The following NLRC5 variants were observed in gnomAD, a reference collection of about 807,000 sequenced individuals.
NLRC5 encodes the protein protein NLRC5.
NLRC5 carries 114 observed loss-of-function variants against 206.9 expected under a neutral mutation model. That is an observed-to-expected ratio of 0.55 (90% CI 0.47 to 0.64). The LOEUF (loss-of-function observed/expected upper bound fraction) is 0.64, where lower values mean the gene tolerates loss of function less well. Ranked by LOEUF, NLRC5 falls within the 30% of genes least tolerant of loss-of-function variation. The pLI, the probability that NLRC5 is intolerant of heterozygous loss-of-function variation, is 0.00. For missense variants in NLRC5, 2,008 were observed against 2,305.5 expected (o/e 0.87, Z 2.64); for synonymous variants, 952 against 962.8 (o/e 0.99, Z 0.21).
chr16:57,076,359 A>G (rs2068396416), intron 39 of NLRC5, among the ~76,000 whole-genome samples: 1 of 152,222 alleles, frequency 6.6e-6, no homozygotes, highest in Non-Finnish European at 1.5e-5. Context: ...TAAAGACAAT[A>G]CCCTGGGTTT....
chr16:57,013,121 G>A (rs1299275444), intron 1 of NLRC5: 1 of 318,844 alleles, frequency 3.1e-6, no homozygotes, highest in African/African-American at 2.2e-5. Context: ...ATAGTGAATA[G>A]TAATTTATTC....
At chr16:57,038,998 G>A (rs1416016424) in intron 15 of NLRC5, among the ~76,000 whole-genome samples, 1 of 150,212 alleles carries the variant, frequency 6.7e-6, no homozygotes, top group Non-Finnish European at 1.5e-5. Context: ...CATCAATAAT[G>A]ATCAAGTATT....
At chr16:57,064,251 A>G (rs2066854294) in intron 32 of NLRC5, among the ~76,000 whole-genome samples, 1 of 152,112 alleles carries the variant, frequency 6.6e-6, no homozygotes, top group African/African-American at 2.4e-5. Context: ...TGAAATGTGC[A>G]GAAAATCCAG....
chr16:57,011,368 G>C (rs4783965), intron 1 of NLRC5, among the ~76,000 whole-genome samples: 3 of 149,572 alleles, frequency 2.0e-5, no homozygotes, highest in African/African-American at 7.4e-5. Flanking sequence ...AGCTGAGATC[G>C]TGCCACTACA....
chr16:57,026,262 T>G lies in NLRC5; in HGVS notation c.1319T>G (p.Met440Arg), dbSNP rs371278281. ...ALLPNMTQLY[M>R]QMVLALSPPG... ...CTGCCCAACATGACTCAGCTCTATA[T>G]GCAGATGGTGCTCGCCCTCAGCCCC... Residue 440 changes from methionine (M) to arginine (R), a missense_variant, in exon 6 of 49, where the codon ATG becomes AGG. By Grantham distance (91) the Met-to-Arg change is moderately conservative (BLOSUM62 -1). Transcript: ENST00000688547. 2.5e-6 allele frequency: 4 copies of G among 1,614,030 alleles called. No individual in the cohort carries two copies. The highest frequency in any genetic ancestry group is 3.4e-6 in the Non-Finnish European group (4 of 1,180,044).
At chr16:57,057,622 C>T (rs1471519468) in intron 27 of NLRC5, among the ~76,000 whole-genome samples, 6 of 152,122 alleles carry the variant, frequency 3.9e-5, no homozygotes, top group Admixed American at 3.9e-4. Context: ...CGGCCAAGGG[C>T]GTGGTGAAGG....
chr16:57,009,011 G>C (rs955074213), intron 1 of NLRC5, among the ~76,000 whole-genome samples: 1 of 152,180 alleles, frequency 6.6e-6, no homozygotes, highest in African/African-American at 2.4e-5. Flanking sequence ...TAAGAAAATA[G>C]GCCGTGCACG....
intron 36 of NLRC5, among the ~76,000 whole-genome samples, chr16:57,069,406 G>A (rs1427269717): frequency 1.3e-5 from 2 of 152,064 alleles, no homozygotes; most frequent in Non-Finnish European, 2.9e-5. Context: ...ACACCAGCCT[G>A]AGCAACATAG....
chr16:57,015,537 A>G (rs1441457233), intron 1 of NLRC5, among the ~76,000 whole-genome samples: 2 of 152,088 alleles, frequency 1.3e-5, no homozygotes, highest in Non-Finnish European at 2.9e-5. Flanking sequence ...GGATCACATG[A>G]ACCTAGGAGT....
At chr16:57,006,051 G>A (rs1227860219) in intron 1 of NLRC5, among the ~76,000 whole-genome samples, 1 of 151,782 alleles carries the variant, frequency 6.6e-6, no homozygotes, top group Non-Finnish European at 1.5e-5. Flanking sequence ...AGGCTGGAGT[G>A]CAGGGATGCA....
chr16:57,001,313 C>T (rs2058220698), intron 1 of NLRC5, among the ~76,000 whole-genome samples: 1 of 152,236 alleles, frequency 6.6e-6, no homozygotes, highest in African/African-American at 2.4e-5. Context: ...GCTATCACCC[C>T]ACAAACTGCA....
chr16:57,040,972 C>T (rs1248706112), intron 17 of NLRC5, among the ~76,000 whole-genome samples: 3 of 152,088 alleles, frequency 2.0e-5, no homozygotes, highest in Admixed American at 2.0e-4. Flanking sequence ...GCTCCCTGAC[C>T]CCCAGCAGCT....
At chr16:57,051,856 G>A (rs549685831) in intron 24 of NLRC5, among the ~76,000 whole-genome samples, 13 of 152,198 alleles carry the variant, frequency 8.5e-5, no homozygotes, top group East Asian at 1.9e-4. Flanking sequence ...AGGGGGCGTC[G>A]TTTGCCTCCT....
chr16:57,078,912 C>T, intron 43 of NLRC5, 138 bp from the exon 44 acceptor site: 1 of 754,804 alleles, frequency 1.3e-6, no homozygotes, highest in South Asian at 1.8e-5. Context: ...GTCCTTGATA[C>T]CTACCCAGGT....
intron 24 of NLRC5, chr16:57,052,868 T>C (rs2065112322): frequency 1.3e-5 from 2 of 152,254 alleles, no homozygotes. Context: ...GTTGGAAACC[T>C]CAGACCGGAG....
Position 57,025,645 on chromosome 16 carries a change from G to T in NLRC5, c.702G>T (p.Lys234Asn). Reference sequence around the variant, plus strand: ...TTTTGGGGAAGGCTGGCATGGGCAAGACCACGCTGGCCCACCGGCTCTGCC... The same window carrying T: ...TTTTGGGGAAGGCTGGCATGGGCAATACCACGCTGGCCCACCGGCTCTGCC... The part of the protein sequence containing the change: ...TVLLGKAGMG[K>N]TTLAHRLCQK... The change falls in exon 6 of 49, where the codon AAG (lysine) becomes AAT (asparagine). Residue 234 changes from lysine (K) to asparagine (N), a missense_variant. Transcript: ENST00000688547. 3.1e-6 allele frequency: 5 copies of T among 1,614,114 alleles called. No homozygotes were observed. The highest frequency in any genetic ancestry group is 4.2e-6 in the Non-Finnish European group (5 of 1,180,030).
At chr16:57,045,891 G>A (rs748292024) in intron 21 of NLRC5, among the ~76,000 whole-genome samples, 11 of 152,222 alleles carry the variant, frequency 7.2e-5, no homozygotes, top group Non-Finnish European at 1.2e-4. Context: ...GGGGCCGTGG[G>A]TGCTCTGAAA....
chr16:57,010,696 C>G (rs369950700), intron 1 of NLRC5, among the ~76,000 whole-genome samples: 1 of 152,130 alleles, frequency 6.6e-6, no homozygotes, highest in Non-Finnish European at 1.5e-5. Context: ...AATATTCATC[C>G]TCCATCCATC....
chr16:57,005,337 TC>T (rs555027339), intron 1 of NLRC5, among the ~76,000 whole-genome samples: 192 of 152,180 alleles, frequency 1.3e-3, no homozygotes, highest in African/African-American at 4.3e-3. Context: ...TCTTTCTCAT[TC>T]TTTGATGGCT....
Sources: gnomAD v4.1 joint callset for allele counts (sites outside exome capture counted in the v4.1 genomes callset) on GRCh38, gnomAD v4.1.1 for gene constraint, MANE v1.5 for transcripts, NCBI Gene and HGNC (gene_info 2026-07-23, HGNC 2026-07-21) for gene names.